Variants in STARD7 observed in about 807,000 individuals in gnomAD.
The protein encoded by STARD7 is stAR-related lipid transfer protein 7, mitochondrial.
A neutral mutation model predicts 45.3 loss-of-function variants in STARD7; 30 were observed. That is an observed-to-expected ratio of 0.66 (90% CI 0.50 to 0.90). The LOEUF (loss-of-function observed/expected upper bound fraction) is 0.90, where lower values mean the gene tolerates loss of function less well. STARD7 is among the 40% of genes least tolerant of loss of function. The pLI is 0.00. For synonymous variants in STARD7, 199 were observed against 183.0 expected, an observed-to-expected ratio of 1.09 and a Z score of -0.70; for missense variants, 495 against 491.3, an observed-to-expected ratio of 1.01 and a Z score of -0.07.
At chr2:96,204,557 A>G (rs1311479163) in intron 1 of STARD7, among the ~76,000 whole-genome samples, 17 of 152,132 alleles carry the variant, frequency 1.1e-4, no homozygotes, top group Non-Finnish European at 1.5e-5. Flanking sequence ...TCTGTCCCGG[A>G]AGGGGGCGGG....
intron 1 of STARD7, among the ~76,000 whole-genome samples, chr2:96,197,591 ACATAC>A (rs775645204): frequency 6.6e-6 from 1 of 152,192 alleles, no homozygotes; most frequent in Non-Finnish European, 1.5e-5. Flanking sequence ...TGATAAATTC[ACATAC>A]CATAAGATTC....
chr2:96,208,266 G>A lies in STARD7; in HGVS notation c.169C>T (p.Leu57Phe). ...AGCCGGCGCCAGAGGCGGCCGAGGA[G>A]AACGCGGCGTGAGCTCTCGGAGTAG... is the stretch of plus-strand genomic sequence containing the variant. ...RLYSESSRRV[L>F]LGRLWRRLHG... The change falls in exon 1 of 8, where the codon CTC (leucine) becomes TTC (phenylalanine). Residue 57 changes from leucine (L) to phenylalanine (F), a missense_variant. By Grantham distance (22) the Leu-to-Phe change is conservative (BLOSUM62 0). Coordinates refer to ENST00000337288, the MANE Select transcript of STARD7 (RefSeq NM_020151.4). 4 of 1,611,850 alleles carry A rather than the reference G, an allele frequency of 2.5e-6. No individual in the cohort carries two copies. The highest frequency in any genetic ancestry group is 3.4e-6 in the Non-Finnish European group (4 of 1,179,456).
intron 1 of STARD7, among the ~76,000 whole-genome samples, chr2:96,204,645 A>G (rs1439738860): frequency 6.6e-6 from 1 of 151,986 alleles, no homozygotes; most frequent in African/African-American, 2.4e-5. Context: ...ATGGTAAAAT[A>G]ATGAAGACAA....
chr2:96,206,407 C>T (rs1325017097), intron 1 of STARD7, among the ~76,000 whole-genome samples: 1 of 152,160 alleles, frequency 6.6e-6, no homozygotes, highest in African/African-American at 2.4e-5. Flanking sequence ...CTTACCCCAA[C>T]AATTCCAACT....
chr2:96,195,651 G>T, intron 1 of STARD7, 102 bp from the exon 2 acceptor site: 1 of 799,350 alleles, frequency 1.3e-6, no homozygotes, highest in Non-Finnish European at 2.1e-6. Flanking sequence ...GTAAACCACA[G>T]TATGTAGTAT....
At chr2:96,202,463 T>A (rs533125358) in intron 1 of STARD7, among the ~76,000 whole-genome samples, 1 of 152,018 alleles carries the variant, frequency 6.6e-6, no homozygotes, top group Non-Finnish European at 1.5e-5. Flanking sequence ...TGCAAAACCA[T>A]AGAGAAACAG....
At chr2:96,206,227 A>G (rs1683386598) in intron 1 of STARD7, among the ~76,000 whole-genome samples, 2 of 152,184 alleles carry the variant, frequency 1.3e-5, no homozygotes, top group South Asian at 4.1e-4. Flanking sequence ...AACTCTGTTT[A>G]GCACTGCTAA....
intron 6 of STARD7, among the ~76,000 whole-genome samples, chr2:96,189,204 C>T (rs1165470767): frequency 6.6e-6 from 1 of 152,156 alleles, no homozygotes; most frequent in African/African-American, 2.4e-5. Context: ...CTGCCTCAGC[C>T]TCCCAAAGTG....
chr2:96,194,641 T>C (rs1267741733), intron 3 of STARD7, among the ~76,000 whole-genome samples: 1 of 152,226 alleles, frequency 6.6e-6, no homozygotes, highest in Non-Finnish European at 1.5e-5. Context: ...TAAAGGACTA[T>C]GATGTATGTA....
Position 96,186,636 on chromosome 2 carries a change from T to C in STARD7, c.*94A>G, listed in dbSNP as rs866131227. On this transcript the variant is annotated 3_prime_UTR_variant, in exon 8 of 8. Coordinates refer to ENST00000337288, the MANE Select transcript of STARD7 (RefSeq NM_020151.4). ...GCACTGGAAGTTACAGCAGATGCCTTCTAATACATGTGGCATGTCCCCCTT... is the reference window on the plus strand; with the variant it reads ...GCACTGGAAGTTACAGCAGATGCCTCCTAATACATGTGGCATGTCCCCCTT... 5.4e-5 allele frequency: 50 copies of C among 930,952 alleles called. No individual in the cohort carries two copies. In the Middle Eastern group the frequency reaches 1.1e-3, roughly 20 times the overall value. 57.7% of individuals were successfully genotyped at this position (930,952 alleles called of 1,614,324 possible).
chr2:96,197,089 A>C (rs138737737), intron 1 of STARD7, among the ~76,000 whole-genome samples: 3,726 of 137,528 alleles, frequency 0.027, 160 homozygotes, highest in South Asian at 0.042. Context: ...AATAAAATAA[A>C]ATAAAATAAA....
At position 96,197,803 on chromosome 2, in the gene STARD7, A is replaced by G. The variant is rs551603876; in HGVS notation, c.291-2254T>C. ...GTCTCTATGGAGTTGCCAATTCTGG[A>G]CATTTCAAGTAAATGGAATCATATG... On this transcript the variant is annotated intron_variant, in intron 1 of 7. Coordinates refer to ENST00000337288, the MANE Select transcript of STARD7 (RefSeq NM_020151.4). 2.5e-3 allele frequency among the ~76,000 whole-genome samples: 382 copies of G among 152,314 alleles called. 1 individual carries two copies. Among genetic ancestry groups the G allele is most frequent in the Non-Finnish European group, 3.5e-3 (240 of 68,028 alleles).
intron 1 of STARD7, among the ~76,000 whole-genome samples, chr2:96,200,855 TAAAG>T (rs886940858): frequency 5.3e-4 from 81 of 152,164 alleles, no homozygotes; most frequent in African/African-American, 1.8e-3. Context: ...CTGCAACATT[TAAAG>T]AAAGGTTACA....
chr2:96,208,170 T>A lies in STARD7; in HGVS notation c.265A>T (p.Arg89Trp). The change falls in exon 1 of 8, where the codon AGG becomes TGG. Residue 89 changes from arginine to tryptophan, a missense_variant. Arg to Trp is a moderately radical substitution (Grantham distance 101). Around this residue, in one of 2 missense-constraint regions of STARD7, gnomAD observed 282 missense variants for 220.1 expected, o/e 1.28. Coordinates refer to ENST00000337288, the MANE Select transcript of STARD7 (RefSeq NM_020151.4). ...CTCTGCAACTCCTCCTCCTGGATCC[T>A]CTCCTCGTCCCAAACGAAGACGCCG... ...LAGVFVWDEE[R>W]IQEEELQRSI... 1 of 1,597,538 alleles carries A rather than the reference T, an allele frequency of 6.3e-7. No individual in the cohort carries two copies.
intron 6 of STARD7, among the ~76,000 whole-genome samples, chr2:96,189,724 AT>A: frequency 6.6e-6 from 1 of 151,852 alleles, no homozygotes; most frequent in South Asian, 2.1e-4. Flanking sequence ...AAAAAAAAAA[AT>A]CAATATTTTG....
chr2:96,195,501 C>A lies in STARD7; in HGVS notation c.339G>T (p.Gln113His), dbSNP rs777325321. Reference sequence around the variant, plus strand: ...GAGGGTGGTGCTGGACTCCAGAGCTCTGAAACATATTTGACATTTCTTCCA... The same window carrying A: ...GAGGGTGGTGCTGGACTCCAGAGCTATGAAACATATTTGACATTTCTTCCA... The part of the protein sequence containing the change: ...KRLEEMSNMF[Q>H]SSGVQHHPPE... The change falls in exon 2 of 8, where the codon CAG becomes CAT. Residue 113 changes from glutamine to histidine, a missense_variant. Gln to His is a conservative substitution (Grantham distance 24). Coordinates refer to ENST00000337288, the MANE Select transcript of STARD7 (RefSeq NM_020151.4). 1.2e-6 allele frequency: 2 copies of A among 1,613,674 alleles called. No individual in the cohort carries two copies. Among genetic ancestry groups the A allele is most frequent in the African/African-American group, 2.7e-5 (2 of 74,888 alleles).
intron 1 of STARD7, among the ~76,000 whole-genome samples, chr2:96,201,732 A>G (rs1168960707): frequency 1.3e-5 from 2 of 151,670 alleles, no homozygotes; most frequent in African/African-American, 4.8e-5. Flanking sequence ...CAGGAGATGG[A>G]GGTTGCAGTG....
chr2:96,203,228 G>A (rs987853288), intron 1 of STARD7, among the ~76,000 whole-genome samples: 2 of 152,174 alleles, frequency 1.3e-5, no homozygotes, highest in Non-Finnish European at 2.9e-5. Context: ...AGGCTGCTGT[G>A]CCCAATCTTG....
chr2:96,203,895 G>A (rs1019053155), intron 1 of STARD7, among the ~76,000 whole-genome samples: 2 of 152,062 alleles, frequency 1.3e-5, no homozygotes, highest in Non-Finnish European at 2.9e-5. Context: ...GAAACCAGGA[G>A]GTGGATGCTT....
Sources: gnomAD v4.1 joint callset for allele counts (sites outside exome capture counted in the v4.1 genomes callset) on GRCh38, gnomAD v4.1.1 for gene constraint, gnomAD v4.1.1 regional missense constraint, MANE v1.5 for transcripts, NCBI Gene and HGNC (gene_info 2026-07-23, HGNC 2026-07-21) for gene names.